The following LGSN variants were observed in gnomAD, a reference collection of about 807,000 sequenced individuals.
The protein encoded by LGSN is lengsin, lens protein with glutamine synthetase domain, also known as lengsin.
Under a neutral mutation model 19.5 loss-of-function variants are expected in LGSN, and 21 were observed. The observed-to-expected ratio is 1.07, with a 90% CI of 0.76 to 1.55. The LOEUF (loss-of-function observed/expected upper bound fraction) is 1.55, where lower values mean the gene tolerates loss of function less well. Ranked by LOEUF, LGSN falls within the 40% of genes most tolerant of loss-of-function variation. LGSN has a pLI of 0.00. For missense variants in LGSN, 673 were observed against 608.5 expected (o/e 1.11, Z -1.12); for synonymous variants, 257 against 215.6 (o/e 1.19, Z -1.68).
chr6:63,539,781 T>A, the LGSN span, among the ~76,000 whole-genome samples: 259 of 147,038 alleles, frequency 1.8e-3, no homozygotes, highest in African/African-American at 6.1e-3. Flanking sequence ...AAAAAAAAAA[T>A]TGGCAAAGGA....
At chr6:63,344,542 C>T in the LGSN span, among the ~76,000 whole-genome samples, 17 of 151,974 alleles carry the variant, frequency 1.1e-4, 1 homozygote, top group Admixed American at 1.1e-3. Flanking sequence ...GAAAAGAGTT[C>T]CCATGATGAT....
the LGSN span, among the ~76,000 whole-genome samples, chr6:63,362,002 T>G: frequency 6.6e-6 from 1 of 152,190 alleles, no homozygotes; most frequent in South Asian, 2.1e-4. Flanking sequence ...GTAAAACTAT[T>G]TGTGTTGACA....
the LGSN span, among the ~76,000 whole-genome samples, chr6:63,337,949 A>G: frequency 7.6e-3 from 1,153 of 152,054 alleles, 16 homozygotes; most frequent in Middle Eastern, 0.01. Flanking sequence ...GCAGTGGTGC[A>G]ATCTTGGCTC....
chr6:63,467,444 G>A, the LGSN span, among the ~76,000 whole-genome samples: 8 of 152,072 alleles, frequency 5.3e-5, no homozygotes, highest in Non-Finnish European at 7.4e-5. Flanking sequence ...CACAGTCTGG[G>A]TGGCTTAAAA....
chr6:63,354,566 C>T, the LGSN span, among the ~76,000 whole-genome samples: 1 of 152,064 alleles, frequency 6.6e-6, no homozygotes, highest in Non-Finnish European at 1.5e-5. Flanking sequence ...AGTACAGCCA[C>T]TATGGAAGCA....
At chr6:63,299,145 G>T (rs1768093177) in intron 1 of LGSN, among the ~76,000 whole-genome samples, 1 of 152,096 alleles carries the variant, frequency 6.6e-6, no homozygotes, top group Non-Finnish European at 1.5e-5. Context: ...CTAAAAAATA[G>T]TGGCTAACTT....
the LGSN span, among the ~76,000 whole-genome samples, chr6:63,544,151 C>T: frequency 2.0e-5 from 3 of 152,130 alleles, no homozygotes; most frequent in Admixed American, 2.0e-4. Flanking sequence ...GTGCCTCAGA[C>T]AGTTGTCCGG....
the LGSN span, among the ~76,000 whole-genome samples, chr6:63,465,698 TA>T: frequency 2.6e-5 from 4 of 152,190 alleles, no homozygotes; most frequent in Admixed American, 1.3e-4. Context: ...TATACTAGCA[TA>T]TTTTTTTTCA....
chr6:63,451,384 T>G, the LGSN span, among the ~76,000 whole-genome samples: 7 of 152,236 alleles, frequency 4.6e-5, no homozygotes, highest in Non-Finnish European at 1.0e-4. Flanking sequence ...ATGTGGTACA[T>G]ATACAACATG....
chr6:63,548,058 A>G, the LGSN span, among the ~76,000 whole-genome samples: 7 of 152,130 alleles, frequency 4.6e-5, no homozygotes, highest in East Asian at 1.4e-3. Context: ...CACATCCCCC[A>G]TATTCCAAAA....
chr6:63,558,858 T>G, the LGSN span, among the ~76,000 whole-genome samples: 1 of 151,990 alleles, frequency 6.6e-6, no homozygotes, highest in African/African-American at 2.4e-5. Flanking sequence ...AAGAAAGAAA[T>G]AAAGATATGG....
At chr6:63,540,842 CA>C in the LGSN span, among the ~76,000 whole-genome samples, 179 of 132,738 alleles carry the variant, frequency 1.3e-3, no homozygotes, top group African/African-American at 2.2e-3. Flanking sequence ...GCTGAAAATA[CA>C]AAAAAAAAAA....
chr6:63,387,555 T>A, the LGSN span, among the ~76,000 whole-genome samples: 1 of 152,128 alleles, frequency 6.6e-6, no homozygotes, highest in Non-Finnish European at 1.5e-5. Flanking sequence ...CCCCCACAGA[T>A]ACTGAGGGAC....
the LGSN span, among the ~76,000 whole-genome samples, chr6:63,379,513 T>G: frequency 6.6e-6 from 1 of 152,222 alleles, no homozygotes; most frequent in Non-Finnish European, 1.5e-5. Flanking sequence ...TGATGTTGTT[T>G]CTTTCCTTAT....
the LGSN span, among the ~76,000 whole-genome samples, chr6:63,502,428 T>C: frequency 1.3e-5 from 2 of 152,134 alleles, no homozygotes; most frequent in African/African-American, 2.4e-5. Flanking sequence ...ACTCATTCTA[T>C]TTTACATAAT....
At chr6:63,343,247 T>C in the LGSN span, among the ~76,000 whole-genome samples, 1 of 152,208 alleles carries the variant, frequency 6.6e-6, no homozygotes, top group African/African-American at 2.4e-5. Context: ...ATTCACGTTT[T>C]AACCCGAATC....
In LGSN at chr6:63,280,600, A is replaced by G. The variant is rs189364877; in HGVS notation, c.951T>C (p.Ser317=). 3.6e-5 allele frequency: 58 copies of G among 1,614,076 alleles called. No individual in the cohort carries two copies. In the East Asian group the frequency reaches 1.3e-3, roughly 36 times the overall value. The change falls in exon 4 of 4, where the codon AGT becomes AGC. Residue 317 remains serine, a synonymous_variant. Transcript: ENST00000370657. ...TTTTCTTCCTATCGACATCCCAGAG[A>G]CTATGAGACAAAATCCCTGAATCAC... is the stretch of plus-strand genomic sequence containing the variant. The part of the protein sequence containing the change: ...GFCDSGILSH[S]LWDVDRKKNM...
chr6:63,323,077 A>G (rs1019146986), upstream of LGSN, among the ~76,000 whole-genome samples: 3 of 152,214 alleles, frequency 2.0e-5, no homozygotes, highest in Non-Finnish European at 4.4e-5. Flanking sequence ...TTAAGCATTT[A>G]TATATTTAGC....
At chr6:63,383,118 G>T in the LGSN span, among the ~76,000 whole-genome samples, 1 of 151,796 alleles carries the variant, frequency 6.6e-6, no homozygotes, top group Non-Finnish European at 1.5e-5. Flanking sequence ...AGATTTATTT[G>T]TTTGTTTGTT....
Sources: gnomAD v4.1 joint callset for allele counts (sites outside exome capture counted in the v4.1 genomes callset) on GRCh38, gnomAD v4.1.1 for gene constraint, MANE v1.5 for transcripts, NCBI Gene and HGNC (gene_info 2026-07-23, HGNC 2026-07-21) for gene names.